Variants in MYO9A observed in about 807,000 individuals in gnomAD.
MYO9A encodes myosin IXA, also known as unconventional myosin-IXa.
A neutral mutation model predicts 293.3 loss-of-function variants in MYO9A; 103 were observed. The ratio of observed to expected loss-of-function variants is 0.35; its 90% confidence interval spans 0.30 to 0.41. The LOEUF (loss-of-function observed/expected upper bound fraction) is 0.41, where lower values mean the gene tolerates loss of function less well. Ranked by LOEUF, MYO9A falls within the 10% of genes least tolerant of loss-of-function variation. MYO9A has a pLI of 1.00. For synonymous variants in MYO9A, 1,001 were observed against 1,035.7 expected (o/e 0.97, Z 0.64); for missense variants, 2,685 against 3,033.0 (o/e 0.89, Z 2.69).
At chr15:71,828,588 T>C (rs953020499) in intron 40 of MYO9A, among the ~76,000 whole-genome samples, 7 of 152,188 alleles carry the variant, frequency 4.6e-5, no homozygotes, top group African/African-American at 1.7e-4. Context: ...TCTTCAGTTG[T>C]CGTATTCTCT....
chr15:71,839,755 C>A lies in MYO9A; in HGVS notation c.6837+9090G>T, dbSNP rs138567812. Among the ~76,000 whole-genome samples, 4 of 152,054 alleles carry A rather than the reference C, an allele frequency of 2.6e-5. No individual in the cohort carries two copies. The East Asian group carries it at 7.7e-4, about 29-fold the overall frequency. On this transcript the variant is annotated intron_variant, in intron 39 of 41. Coordinates refer to ENST00000356056, the MANE Select transcript of MYO9A (RefSeq NM_006901.4). ...TTCTTTTCTTCCCTACATGGATATT[C>A]ATTTTCCCCACATCATTTAGTGAAT...
In MYO9A at chr15:71,917,013, C is replaced by T. The variant is rs78081445; in HGVS notation, c.2563-521G>A. 5.3e-4 allele frequency among the ~76,000 whole-genome samples: 80 copies of T among 152,308 alleles called. 2 individuals carry two copies. Among genetic ancestry groups the T allele is most frequent in the East Asian group, 4.6e-3 (24 of 5,192 alleles). ...AGATTACACCACAGGCAGTATGTACCGCAAGTAGCAGCTGCACTGACAGCT... is the reference window on the plus strand; with the variant it reads ...AGATTACACCACAGGCAGTATGTACTGCAAGTAGCAGCTGCACTGACAGCT... On this transcript the variant is annotated intron_variant, in intron 18 of 41. Coordinates refer to ENST00000356056, the MANE Select transcript of MYO9A (RefSeq NM_006901.4).
At chr15:71,998,455 T>TG (rs1411611897) in intron 9 of MYO9A, among the ~76,000 whole-genome samples, 1 of 151,882 alleles carries the variant, frequency 6.6e-6, no homozygotes, top group Non-Finnish European at 1.5e-5. Context: ...AGTTAAATTT[T>TG]TTAAAAGAAG....
intron 15 of MYO9A, among the ~76,000 whole-genome samples, chr15:71,941,866 C>T (rs2058784828): frequency 6.6e-6 from 1 of 151,870 alleles, no homozygotes; most frequent in Non-Finnish European, 1.5e-5. Flanking sequence ...TTTAAAATGC[C>T]AAAAATTTGA....
chr15:71,953,363 A>G (rs1214855571), intron 14 of MYO9A, among the ~76,000 whole-genome samples: 1 of 152,194 alleles, frequency 6.6e-6, no homozygotes, highest in Non-Finnish European at 1.5e-5. Context: ...TTCTAGTCAG[A>G]CTCCATTCAA....
At chr15:72,081,514 AAT>A (rs1438241224) in intron 1 of MYO9A, among the ~76,000 whole-genome samples, 1 of 151,632 alleles carries the variant, frequency 6.6e-6, no homozygotes, top group African/African-American at 2.4e-5. Flanking sequence ...TTACTCTGTT[AAT>A]AGTTTCTTTT....
At chr15:72,000,058 GA>G (rs2076819833) in intron 8 of MYO9A, 118 bp from the exon 9 acceptor site, 3 of 686,018 alleles carry the variant, frequency 4.4e-6, no homozygotes, top group Non-Finnish European at 4.6e-6. Context: ...ACATAGCAGA[GA>G]AAAAAGGCAA....
rs1158839439 is a variant in MYO9A, at chr15:71,825,095, AT to A, written c.*1484del. On this transcript the variant is annotated 3_prime_UTR_variant, in exon 42 of 42. Transcript: ENST00000356056. ...TTAAAAATAAACATTTCACATACTTATCTCAAGAAAGGCTATCATGTTTCAT... is the reference window on the plus strand; with the variant it reads ...TTAAAAATAAACATTTCACATACTTACTCAAGAAAGGCTATCATGTTTCAT... 1 of 152,140 alleles carries A rather than the reference AT, an allele frequency of 6.6e-6. No individual in the cohort carries two copies. Among genetic ancestry groups the A allele is most frequent in the African/African-American group, 2.4e-5 (1 of 41,436 alleles). The allele number at this position is 152,140 out of a possible 1,614,324, so 9.4% of individuals were successfully genotyped here. A position where few individuals can be genotyped will look rare whatever the true frequency, so the allele number is the denominator to read the frequency against.
intron 19 of MYO9A, among the ~76,000 whole-genome samples, chr15:71,908,969 T>C (rs2057755188): frequency 6.6e-6 from 1 of 152,194 alleles, no homozygotes; most frequent in Non-Finnish European, 1.5e-5. Context: ...CTCCATAGTT[T>C]TGTTTTTTCC....
chr15:71,881,074 T>C (rs1246612746), intron 28 of MYO9A, among the ~76,000 whole-genome samples: 2 of 152,028 alleles, frequency 1.3e-5, no homozygotes, highest in African/African-American at 2.4e-5. Context: ...CATTTGGTGA[T>C]TGCTGGCAAC....
At chr15:71,965,671 G>A (rs1280878675) in intron 13 of MYO9A, among the ~76,000 whole-genome samples, 1 of 152,058 alleles carries the variant, frequency 6.6e-6, no homozygotes, top group Admixed American at 6.5e-5. Context: ...CCTGGAGGGC[G>A]GAGGTTGCAG....
At position 71,880,398 on chromosome 15, in the gene MYO9A, G is replaced by A; in HGVS notation, c.5559C>T (p.Asp1853=). 6.2e-7 allele frequency: 1 copy of A among 1,614,204 alleles called. No individual in the cohort carries two copies. Among genetic ancestry groups the A allele is most frequent in the Non-Finnish European group, 8.5e-7 (1 of 1,180,008 alleles). The part of the protein sequence containing the change: ...VALDSMHWQN[D]SVQIIASVSD... ...TGACACTTGCTATGATCTGGACAGA[G>A]TCATTTTGCCAATGCATAGAATCCA... Residue 1853 remains aspartate, a synonymous_variant, in exon 29 of 42, where the codon GAC becomes GAT. Transcript: ENST00000356056.
At chr15:72,028,699 ACT>A (rs1313591822) in intron 3 of MYO9A, among the ~76,000 whole-genome samples, 1 of 57,026 alleles carries the variant, frequency 1.8e-5, no homozygotes, top group African/African-American at 6.5e-5. Context: ...CTGAAGAAAG[ACT>A]CTACATTATT....
intron 11 of MYO9A, among the ~76,000 whole-genome samples, chr15:71,979,023 A>G (rs2076210786): frequency 6.6e-6 from 1 of 152,204 alleles, no homozygotes; most frequent in African/African-American, 2.4e-5. Flanking sequence ...TTTAGGCATC[A>G]GGTAAAATAT....
chr15:71,849,525 C>A (rs943696530), intron 38 of MYO9A, among the ~76,000 whole-genome samples: 1 of 151,978 alleles, frequency 6.6e-6, no homozygotes, highest in African/African-American at 2.4e-5. Flanking sequence ...CCAGGCTACA[C>A]GCTACACCAA....
chr15:71,895,482 C>A (rs2057296935), intron 25 of MYO9A, among the ~76,000 whole-genome samples: 1 of 152,104 alleles, frequency 6.6e-6, no homozygotes, highest in South Asian at 2.1e-4. Flanking sequence ...TGATGAAATG[C>A]AAGTTCTAGT....
intron 2 of MYO9A, among the ~76,000 whole-genome samples, chr15:72,036,922 G>A (rs1018195205): frequency 1.3e-5 from 2 of 151,942 alleles, no homozygotes; most frequent in Non-Finnish European, 2.9e-5. Context: ...TGGGGGAAGG[G>A]GGATCTCCCT....
chr15:72,045,858 C>T lies in MYO9A; in HGVS notation c.706G>A (p.Val236Met), dbSNP rs1345452579. The T allele has an allele frequency of 6.2e-7, 1 of 1,614,068 alleles. No individual in the cohort carries two copies. Among genetic ancestry groups the T allele is most frequent in the Non-Finnish European group, 8.5e-7 (1 of 1,180,018 alleles). The change falls in exon 2 of 42, where the codon GTG becomes ATG. Residue 236 changes from valine (V) to methionine (M), a missense_variant. Physicochemically the swap from Val to Met is conservative, Grantham distance 21 (BLOSUM62 1). Around this residue, in one of 10 missense-constraint regions of MYO9A, gnomAD observed 289 missense variants for 456.8 expected, o/e 0.63. Transcript: ENST00000356056. Reference protein sequence around the residue: ...MLQRKKNQCIVISGESGSGKT... With the variant: ...MLQRKKNQCIMISGESGSGKT... ...CCAGAACCACTCTCTCCTGAAATCA[C>T]GATGCACTGATTCTTTTTGCGCTGA...
chr15:71,878,012 T>C, intron 31 of MYO9A, 28 bp downstream of exon 31: 4 of 1,533,264 alleles, frequency 2.6e-6, no homozygotes, highest in Non-Finnish European at 3.5e-6. Context: ...ATTAAATCCT[T>C]TAAGTAATCA....
Sources: gnomAD v4.1 joint callset for allele counts (sites outside exome capture counted in the v4.1 genomes callset) on GRCh38, gnomAD v4.1.1 for gene constraint, gnomAD v4.1.1 regional missense constraint, MANE v1.5 for transcripts, NCBI Gene and HGNC (gene_info 2026-07-23, HGNC 2026-07-21) for gene names.